CUX1: variants seen among roughly 807,000 people sequenced by gnomAD.
CUX1 encodes the protein cut like homeobox 1.
CUX1 carries 31 observed loss-of-function variants against 158.8 expected under a neutral mutation model. The ratio of observed to expected loss-of-function variants is 0.20; its 90% CI spans 0.15 to 0.26. CUX1 has a LOEUF of 0.26. Among genes scored for constraint, CUX1 ranks in the 10% least tolerant of loss-of-function variants. The pLI is 1.00. For missense variants in CUX1, 1,589 were observed against 2,014.6 expected (o/e 0.79, Z 4.04); for synonymous variants, 879 against 862.1 (o/e 1.02, Z -0.34).
intron 1 of CUX1, among the ~76,000 whole-genome samples, chr7:101,896,336 G>T (rs184994747): frequency 6.6e-6 from 1 of 152,186 alleles, no homozygotes; most frequent in Admixed American, 6.5e-5. Context: ...AGCAGGCACC[G>T]TGGGGACATG....
intron 20 of CUX1, among the ~76,000 whole-genome samples, chr7:102,210,824 C>T (rs942559069): frequency 2.0e-5 from 3 of 152,140 alleles, no homozygotes; most frequent in Non-Finnish European, 4.4e-5. Context: ...GTGAAGCCCA[C>T]GGGGCCGTGG....
intron 5 of CUX1, among the ~76,000 whole-genome samples, chr7:102,102,145 G>A (rs1554486655): frequency 6.6e-6 from 1 of 152,092 alleles, no homozygotes; most frequent in African/African-American, 2.4e-5. Context: ...CCAAAAGGCG[G>A]AAAGTTGCCC....
chr7:101,965,865 A>G (rs1336638684), intron 2 of CUX1, among the ~76,000 whole-genome samples: 1 of 150,998 alleles, frequency 6.6e-6, no homozygotes, highest in Admixed American at 6.6e-5. Context: ...AAAAAAAAAA[A>G]AAAAAAAAAG....
chr7:101,905,450 C>T (rs911836063), intron 1 of CUX1, among the ~76,000 whole-genome samples: 9 of 152,220 alleles, frequency 5.9e-5, no homozygotes, highest in African/African-American at 1.9e-4. Flanking sequence ...GCCCATCTTA[C>T]AGACTCCAGA....
At chr7:102,240,164 C>T (rs782390299) in intron 23 of CUX1, among the ~76,000 whole-genome samples, 1 of 152,178 alleles carries the variant, frequency 6.6e-6, no homozygotes, top group Admixed American at 6.5e-5. Flanking sequence ...AGAAAATCAC[C>T]TCTCGATTAC....
chr7:101,957,458 C>T (rs1301668203), intron 2 of CUX1, among the ~76,000 whole-genome samples: 3 of 152,132 alleles, frequency 2.0e-5, no homozygotes, highest in African/African-American at 7.2e-5. Flanking sequence ...CGGTGGCTCA[C>T]GCCTGTAATC....
chr7:101,865,002 T>G (rs1797804247), intron 1 of CUX1, among the ~76,000 whole-genome samples: 1 of 152,236 alleles, frequency 6.6e-6, no homozygotes, highest in Non-Finnish European at 1.5e-5. Flanking sequence ...TCATGATGTA[T>G]ATCTTTTTTT....
At chr7:101,904,187 C>T (rs2131784644) in intron 1 of CUX1, among the ~76,000 whole-genome samples, 1 of 152,032 alleles carries the variant, frequency 6.6e-6, no homozygotes, top group East Asian at 1.9e-4. Flanking sequence ...GTAATCCCAG[C>T]TACTCAGATG....
chr7:102,255,418 C>T lies in CUX1; in HGVS notation c.*6376C>T, dbSNP rs902486696. The stretch of plus-strand genomic sequence containing the variant: ...AAAAAAGACAAAAAAAAAAGGCTGG[C>T]GAGAGAAAGACATTTGGCTATGCAT... On this transcript the variant is annotated 3_prime_UTR_variant, in exon 24 of 24. Coordinates refer to ENST00000292535, the MANE Select transcript of CUX1 (RefSeq NM_181552.4). 47 of 983,334 alleles carry T rather than the reference C, an allele frequency of 4.8e-5. No individual in the cohort carries two copies. The highest frequency in any genetic ancestry group is 5.3e-5 in the African/African-American group (3 of 56,628). 60.9% of individuals were successfully genotyped at this position (983,334 alleles called of 1,614,324 possible). A position where few individuals can be genotyped will look rare whatever the true frequency, so the allele number is the denominator to read the frequency against.
At chr7:101,910,668 C>T (rs915407617) in intron 1 of CUX1, among the ~76,000 whole-genome samples, 1 of 151,548 alleles carries the variant, frequency 6.6e-6, no homozygotes, top group African/African-American at 2.4e-5. Context: ...GGTCTTGAAC[C>T]CTGGAGGTGA....
intron 8 of CUX1, among the ~76,000 whole-genome samples, chr7:102,116,512 G>T (rs1243107479): frequency 6.6e-6 from 1 of 152,110 alleles, no homozygotes; most frequent in Non-Finnish European, 1.5e-5. Flanking sequence ...GAGCATGGCA[G>T]TGTGCACCTG....
At chr7:101,984,089 A>AATATATATATAT (rs1195893037) in intron 2 of CUX1, among the ~76,000 whole-genome samples, 1 of 29,830 alleles carries the variant, frequency 3.4e-5, no homozygotes, top group Non-Finnish European at 7.0e-5. Context: ...AAAAAAAAAA[A>AATATATATATAT]ATATATATAT....
At chr7:102,106,086 T>TC (rs1387092258) in intron 6 of CUX1, among the ~76,000 whole-genome samples, 1 of 123,452 alleles carries the variant, frequency 8.1e-6, no homozygotes, top group Non-Finnish European at 1.7e-5. Context: ...TTTCTTTTTT[T>TC]TTTTTTTTTT....
Position 102,250,073 on chromosome 7 carries a change from A to G in CUX1, c.*1031A>G, listed in dbSNP as rs1237144998. On this transcript the variant is annotated 3_prime_UTR_variant, in exon 24 of 24. Coordinates refer to ENST00000292535, the MANE Select transcript of CUX1 (RefSeq NM_181552.4). ...AAAAGAAAAAAAAAGAAAAAAAAAA[A>G]AGAAAAGATCCGAATCTAGGTATTT... 2 of 984,906 alleles carry G rather than the reference A, an allele frequency of 2.0e-6. No individual in the cohort carries two copies. Among genetic ancestry groups the G allele is most frequent in the South Asian group, 4.7e-5 (1 of 21,280 alleles). The allele number at this position is 984,906 out of a possible 1,614,324, so 61.0% of individuals were successfully genotyped here.
At chr7:101,911,755 C>G (rs1803504577) in intron 1 of CUX1, among the ~76,000 whole-genome samples, 1 of 152,204 alleles carries the variant, frequency 6.6e-6, no homozygotes, top group African/African-American at 2.4e-5. Flanking sequence ...TCAGCTCGGC[C>G]CATTGACTTG....
chr7:102,048,916 A>AAAAC (rs777505135), intron 3 of CUX1, among the ~76,000 whole-genome samples: 6 of 152,146 alleles, frequency 3.9e-5, no homozygotes, highest in African/African-American at 9.7e-5. Context: ...CTATCTCAAA[A>AAAAC]AAACAAACAA....
intron 2 of CUX1, among the ~76,000 whole-genome samples, chr7:102,003,185 C>T (rs1816901981): frequency 6.6e-6 from 1 of 152,174 alleles, no homozygotes; most frequent in African/African-American, 2.4e-5. Flanking sequence ...AGGCGTGAGC[C>T]ACCAAGCTCG....
At chr7:102,217,862 C>A (rs1351011436) in intron 20 of CUX1, among the ~76,000 whole-genome samples, 2 of 142,974 alleles carry the variant, frequency 1.4e-5, no homozygotes, top group African/African-American at 5.7e-5. Context: ...GGGAGGGAGG[C>A]TCTGGATGGA....
chr7:101,854,149 GC>G (rs1167609392), intron 1 of CUX1, among the ~76,000 whole-genome samples: 3 of 152,204 alleles, frequency 2.0e-5, no homozygotes, highest in African/African-American at 7.2e-5. Flanking sequence ...AGGATCGTCT[GC>G]CATGTTGAAC....
Sources: allele counts gnomAD v4.1 joint callset (sites outside exome capture counted in the v4.1 genomes callset), GRCh38; gene constraint gnomAD v4.1.1; transcripts MANE v1.5; gene names NCBI Gene and HGNC (gene_info 2026-07-23, HGNC 2026-07-21).